ADAM2: variants seen among roughly 807,000 people sequenced by gnomAD.
ADAM2 encodes the protein disintegrin and metalloproteinase domain-containing protein 2.
Under a neutral mutation model 99.3 loss-of-function variants are expected in ADAM2, and 101 were observed. The ratio of observed to expected loss-of-function variants is 1.02; its 90% confidence interval spans 0.87 to 1.20. The LOEUF (loss-of-function observed/expected upper bound fraction) is 1.20. ADAM2 is among the 50% of genes most tolerant of loss of function. The pLI, the probability that ADAM2 is intolerant of heterozygous loss-of-function variation, is 0.00. For missense variants in ADAM2, 948 were observed against 878.7 expected, an observed-to-expected ratio of 1.08 and a Z score of -1.00; for synonymous variants, 323 against 287.6, an observed-to-expected ratio of 1.12 and a Z score of -1.25.
rs141203955 is a variant in ADAM2 at position 39,751,772 on chromosome 8, G to A, written c.1798-2028C>T. ...CCTTTATTATCACTAGGCGGAATAGGTTCCTACAGAAACCTTCTTGTTATG... is the reference window on the plus strand; with the variant it reads ...CCTTTATTATCACTAGGCGGAATAGATTCCTACAGAAACCTTCTTGTTATG... On this transcript the variant is annotated intron_variant, in intron 16 of 20. Transcript: ENST00000265708. Among the ~76,000 whole-genome samples the A allele has an allele frequency of 7.2e-4, 109 of 152,140 alleles. 1 individual carries two copies. Among genetic ancestry groups the A allele is most frequent in the African/African-American group, 2.3e-3 (94 of 41,500 alleles).
rs762157278 is a variant in ADAM2 at position 39,821,050 on chromosome 8, C to T, written c.465G>A (p.Glu155=). 5 of 1,604,184 alleles carry T rather than the reference C, an allele frequency of 3.1e-6. No homozygotes were observed. The highest frequency in any genetic ancestry group is 1.1e-5 in the South Asian group (1 of 89,902). ...ACAGATCTCTTGATTCAATATCCTT[C>T]TCATTATATAAGGAAACATCTGCTT... ...HKKADVSLYN[E]KDIESRDLSF... The change falls in exon 6 of 21, where the codon GAG becomes GAA. Residue 155 remains glutamate, a synonymous_variant. Coordinates refer to ENST00000265708, the MANE Select transcript of ADAM2 (RefSeq NM_001464.5).
chr8:39,778,702 G>T (rs1026583528), intron 10 of ADAM2, among the ~76,000 whole-genome samples: 1 of 152,006 alleles, frequency 6.6e-6, no homozygotes, highest in African/African-American at 2.4e-5. Context: ...AAGAAGAAAG[G>T]AATGAAAAGG....
intron 7 of ADAM2, among the ~76,000 whole-genome samples, chr8:39,800,207 C>T (rs1317666593): frequency 6.6e-6 from 1 of 152,062 alleles, no homozygotes; most frequent in African/African-American, 2.4e-5. Context: ...GGAGCTTTTG[C>T]AGGACAGACC....
intron 7 of ADAM2, among the ~76,000 whole-genome samples, chr8:39,791,362 T>C (rs1803704133): frequency 6.6e-6 from 1 of 152,076 alleles, no homozygotes; most frequent in Non-Finnish European, 1.5e-5. Flanking sequence ...TTCTGATAAA[T>C]CTGCCTGACA....
chr8:39,792,382 A>C (rs1417415866), intron 7 of ADAM2, among the ~76,000 whole-genome samples: 1 of 152,106 alleles, frequency 6.6e-6, no homozygotes, highest in African/African-American at 2.4e-5. Flanking sequence ...ATCTATTTTC[A>C]TTGATATGAA....
intron 6 of ADAM2, among the ~76,000 whole-genome samples, chr8:39,817,415 T>A (rs1563377622): frequency 6.6e-6 from 1 of 152,168 alleles, no homozygotes; most frequent in Admixed American, 6.5e-5. Flanking sequence ...GTTCTAGTGT[T>A]CTATAGCACC....
At chr8:39,761,705 T>C (rs923634823) in intron 14 of ADAM2, among the ~76,000 whole-genome samples, 2 of 152,166 alleles carry the variant, frequency 1.3e-5, no homozygotes, top group Non-Finnish European at 2.9e-5. Context: ...AGACAAGAAA[T>C]ATATTGGAGT....
chr8:39,837,753 C>T (rs1230350453), intron 1 of ADAM2, among the ~76,000 whole-genome samples: 1 of 152,020 alleles, frequency 6.6e-6, no homozygotes, highest in Non-Finnish European at 1.5e-5. Flanking sequence ...ATCTGGTAAC[C>T]TTGGGTCAAT....
chr8:39,775,087 A>G (rs1055770752), intron 11 of ADAM2, among the ~76,000 whole-genome samples: 22 of 152,118 alleles, frequency 1.4e-4, no homozygotes, highest in African/African-American at 4.1e-4. Flanking sequence ...AGGAAAATGT[A>G]CAGAATATCT....
At chr8:39,771,713 G>A (rs1802786312) in intron 11 of ADAM2, among the ~76,000 whole-genome samples, 1 of 152,018 alleles carries the variant, frequency 6.6e-6, no homozygotes, top group African/African-American at 2.4e-5. Context: ...GTTGCATCCT[G>A]GCTGAACATC....
intron 11 of ADAM2, among the ~76,000 whole-genome samples, chr8:39,775,819 T>G (rs1802965528): frequency 6.6e-6 from 1 of 152,114 alleles, no homozygotes; most frequent in Admixed American, 6.6e-5. Context: ...ATCAGATAGA[T>G]TGATATGCTC....
At chr8:39,826,990 A>G (rs942182960) in intron 3 of ADAM2, among the ~76,000 whole-genome samples, 3 of 152,154 alleles carry the variant, frequency 2.0e-5, no homozygotes, top group Non-Finnish European at 4.4e-5. Flanking sequence ...AAGATTTGCC[A>G]ACTATACATC....
chr8:39,752,287 A>G (rs189659440), intron 16 of ADAM2, among the ~76,000 whole-genome samples: 1 of 152,274 alleles, frequency 6.6e-6, no homozygotes, highest in African/African-American at 2.4e-5. Context: ...ACATCAGAAA[A>G]ACGGTGATAT....
Position 39,748,315 on chromosome 8 carries a change from A to T in ADAM2, c.2014+997T>A, listed in dbSNP as rs1286396639. 1.3e-5 allele frequency among the ~76,000 whole-genome samples: 2 copies of T among 152,198 alleles called. 1 individual carries two copies. Among genetic ancestry groups the T allele is most frequent in the East Asian group, 3.8e-4 (2 of 5,198 alleles). ...ACCAACCTGGAAAGGAGTGGTCTCC[A>T]CTGCTCATTGGGAAATGGCATGTGT... is the stretch of plus-strand genomic sequence containing the variant. On this transcript the variant is annotated intron_variant, in intron 18 of 20. Coordinates refer to ENST00000265708, the MANE Select transcript of ADAM2 (RefSeq NM_001464.5).
At chr8:39,835,975 G>A (rs566378083) in intron 2 of ADAM2, among the ~76,000 whole-genome samples, 1 of 151,880 alleles carries the variant, frequency 6.6e-6, no homozygotes, top group African/African-American at 2.4e-5. Context: ...TTTTTTGTTG[G>A]TGGTGGTGCT....
intron 7 of ADAM2, among the ~76,000 whole-genome samples, chr8:39,801,240 G>T (rs1010188053): frequency 6.6e-6 from 1 of 152,142 alleles, no homozygotes; most frequent in Non-Finnish European, 1.5e-5. Flanking sequence ...TGCCACTTTC[G>T]GCTTGTTTTT....
chr8:39,817,362 G>A (rs1804993729), intron 6 of ADAM2, among the ~76,000 whole-genome samples: 3 of 152,152 alleles, frequency 2.0e-5, no homozygotes, highest in Middle Eastern at 3.4e-3. Flanking sequence ...ATGGGGAAAG[G>A]TTGGCTATTG....
intron 6 of ADAM2, among the ~76,000 whole-genome samples, chr8:39,815,447 A>T (rs1045798128): frequency 6.6e-6 from 1 of 152,208 alleles, no homozygotes. Flanking sequence ...TGTTGGAAGT[A>T]GGTGGAGGAT....
chr8:39,770,968 T>C (rs973495887), intron 11 of ADAM2, among the ~76,000 whole-genome samples: 4 of 152,224 alleles, frequency 2.6e-5, no homozygotes, highest in African/African-American at 9.6e-5. Flanking sequence ...TGCATTTTTT[T>C]CCTCAAAACT....
Sources: gnomAD v4.1 joint callset for allele counts (sites outside exome capture counted in the v4.1 genomes callset) on GRCh38, gnomAD v4.1.1 for gene constraint, MANE v1.5 for transcripts, NCBI Gene and HGNC (gene_info 2026-07-23, HGNC 2026-07-21) for gene names.